The following ATG10 variants were observed in gnomAD, a reference collection of about 807,000 sequenced individuals.
ATG10 encodes the protein ubiquitin-like-conjugating enzyme ATG10.
Under a neutral mutation model 32.1 loss-of-function variants are expected in ATG10, and 30 were observed. That is an observed-to-expected ratio of 0.94 (90% CI 0.70 to 1.27). ATG10 has a LOEUF of 1.27. Ranked by LOEUF, ATG10 falls within the 50% of genes most tolerant of loss-of-function variation. The probability of loss-of-function intolerance (pLI) is 0.00; values close to 1 mark genes in which losing one functional copy is unlikely to be tolerated. For missense variants in ATG10, 233 were observed against 262.3 expected, an observed-to-expected ratio of 0.89 and a Z score of 0.77; for synonymous variants, 87 against 91.5, an observed-to-expected ratio of 0.95 and a Z score of 0.28.
chr5:82,011,075 A>C (rs1373744137), intron 2 of ATG10, among the ~76,000 whole-genome samples: 2 of 152,184 alleles, frequency 1.3e-5, no homozygotes, highest in Non-Finnish European at 2.9e-5. Flanking sequence ...CTAAGTAATA[A>C]ATTTTATACA....
intron 5 of ATG10, among the ~76,000 whole-genome samples, chr5:82,228,693 C>T (rs963083280): frequency 2.0e-5 from 3 of 152,088 alleles, no homozygotes; most frequent in African/African-American, 7.2e-5. Context: ...ATGTACCGTG[C>T]ATTGGAAATC....
intron 4 of ATG10, among the ~76,000 whole-genome samples, chr5:82,165,255 T>A (rs1429759171): frequency 6.6e-6 from 1 of 152,240 alleles, no homozygotes; most frequent in Non-Finnish European, 1.5e-5. Context: ...ATGAGCCTCC[T>A]GTTCAGCCAA....
chr5:82,022,405 T>G (rs1211866298), intron 2 of ATG10, among the ~76,000 whole-genome samples: 1 of 149,280 alleles, frequency 6.7e-6, no homozygotes, highest in Non-Finnish European at 1.5e-5. Flanking sequence ...TTCAGCTCAC[T>G]GCAGCCTCCA....
At chr5:82,001,212 G>A (rs913259120) in intron 2 of ATG10, among the ~76,000 whole-genome samples, 1 of 152,140 alleles carries the variant, frequency 6.6e-6, no homozygotes, top group African/African-American at 2.4e-5. Flanking sequence ...ACTGCCCAAA[G>A]CAATGTACAG....
rs909869624 is a variant in ATG10, at chr5:81,972,971, G to C, written c.-13+665G>C. On this transcript the variant is annotated intron_variant, in intron 1 of 7. Coordinates refer to ENST00000282185, the MANE Select transcript of ATG10 (RefSeq NM_031482.5). Reference sequence around the variant, plus strand: ...CTGAAGATGATTTAGATGTCTAGGGGACTATATTTTGTTTGGCATGATGAT... The same window carrying C: ...CTGAAGATGATTTAGATGTCTAGGGCACTATATTTTGTTTGGCATGATGAT... 2.6e-5 allele frequency among the ~76,000 whole-genome samples: 4 copies of C among 152,128 alleles called. No individual in the cohort carries two copies. In the South Asian group the frequency reaches 6.2e-4, roughly 24 times the overall value.
rs1012880223 is a variant in ATG10, at chr5:82,229,273, G to A, written c.454-23289G>A. Among the ~76,000 whole-genome samples the A allele has an allele frequency of 1.8e-4, 27 of 152,178 alleles. 1 individual carries two copies. Among genetic ancestry groups the A allele is most frequent in the Non-Finnish European group, 8.8e-5 (6 of 68,030 alleles). On this transcript the variant is annotated intron_variant, in intron 5 of 7. Coordinates refer to ENST00000282185, the MANE Select transcript of ATG10 (RefSeq NM_031482.5). ...GCTGTTACAGTACTGGAGGAGCACTGGCTAAGACAGGAAAGAATAAATGAG... is the reference window on the plus strand; with the variant it reads ...GCTGTTACAGTACTGGAGGAGCACTAGCTAAGACAGGAAAGAATAAATGAG...
At chr5:82,058,178 G>T (rs536967751) in intron 2 of ATG10, among the ~76,000 whole-genome samples, 2 of 152,262 alleles carry the variant, frequency 1.3e-5, no homozygotes, top group East Asian at 3.9e-4. Flanking sequence ...TATTAATTAT[G>T]TGACAAGCTA....
At chr5:82,205,939 C>T (rs114010660) in intron 5 of ATG10, among the ~76,000 whole-genome samples, 69 of 152,106 alleles carry the variant, frequency 4.5e-4, no homozygotes, top group African/African-American at 1.6e-3. Flanking sequence ...AGAATAGAAC[C>T]TAAGTTTAAT....
At chr5:82,001,056 C>T (rs1395601492) in intron 2 of ATG10, among the ~76,000 whole-genome samples, 1 of 152,114 alleles carries the variant, frequency 6.6e-6, no homozygotes, top group Non-Finnish European at 1.5e-5. Context: ...AGTAAAATAC[C>T]TAGGAATACA....
At chr5:82,043,012 ACT>A (rs1763131402) in intron 2 of ATG10, among the ~76,000 whole-genome samples, 2 of 150,626 alleles carry the variant, frequency 1.3e-5, no homozygotes, top group African/African-American at 4.9e-5. Flanking sequence ...TCCAGTGGGG[ACT>A]CTGTGTAGGG....
intron 3 of ATG10, among the ~76,000 whole-genome samples, chr5:82,160,915 G>A (rs1408674564): frequency 6.6e-6 from 1 of 152,148 alleles, no homozygotes; most frequent in Non-Finnish European, 1.5e-5. Flanking sequence ...TTACATAGGA[G>A]GAAACAGATC....
At chr5:81,997,799 G>A (rs151229659) in intron 2 of ATG10, among the ~76,000 whole-genome samples, 1 of 152,256 alleles carries the variant, frequency 6.6e-6, no homozygotes, top group East Asian at 1.9e-4. Flanking sequence ...AGAGCTTGAA[G>A]ACTGGTTCTT....
At chr5:82,159,500 T>C (rs1168717294) in intron 3 of ATG10, among the ~76,000 whole-genome samples, 1 of 152,172 alleles carries the variant, frequency 6.6e-6, no homozygotes, top group Non-Finnish European at 1.5e-5. Flanking sequence ...TCTTTCACTA[T>C]TAGAATTCTC....
chr5:82,093,621 T>C (rs1277871491), intron 3 of ATG10, among the ~76,000 whole-genome samples: 1 of 152,178 alleles, frequency 6.6e-6, no homozygotes. Flanking sequence ...AATTGATTAA[T>C]TTTTATCTTC....
chr5:82,155,299 A>T (rs1767759864), intron 3 of ATG10, among the ~76,000 whole-genome samples: 1 of 152,356 alleles, frequency 6.6e-6, no homozygotes. Flanking sequence ...ACAGGAAAAA[A>T]ATGGAAAGGG....
chr5:82,241,299 T>C (rs1422638498), intron 5 of ATG10, among the ~76,000 whole-genome samples: 1 of 152,228 alleles, frequency 6.6e-6, no homozygotes, highest in African/African-American at 2.4e-5. Context: ...ATATTTTGTC[T>C]GGGCTACTAC....
At chr5:82,240,883 A>G (rs1051280227) in intron 5 of ATG10, among the ~76,000 whole-genome samples, 3 of 152,200 alleles carry the variant, frequency 2.0e-5, no homozygotes, top group Admixed American at 2.0e-4. Flanking sequence ...CCAAGTCATC[A>G]TGAACAAAAT....
At chr5:82,066,377 G>A (rs1763942245) in intron 3 of ATG10, among the ~76,000 whole-genome samples, 1 of 152,086 alleles carries the variant, frequency 6.6e-6, no homozygotes, top group Non-Finnish European at 1.5e-5. Flanking sequence ...TGGGTACCAA[G>A]CATATTTTAT....
Position 82,255,568 on chromosome 5 carries a change from C to T in ATG10, c.*1505C>T, listed in dbSNP as rs1747432597. The T allele has an allele frequency of 6.6e-6, 1 of 152,280 alleles. No individual in the cohort carries two copies. Among genetic ancestry groups the T allele is most frequent in the Admixed American group, 6.5e-5 (1 of 15,290 alleles). The allele number at this position is 152,280 out of a possible 1,614,324, so 9.4% of individuals were successfully genotyped here. ...CTACAGATGCTGGGGCCACCTGACA[C>T]AGTCTCTCTGGGGGTGATTCTGCTC... is the stretch of plus-strand genomic sequence containing the variant. On this transcript the variant is annotated 3_prime_UTR_variant, in exon 8 of 8. Transcript: ENST00000282185.
Sources: gnomAD v4.1 joint callset for allele counts (sites outside exome capture counted in the v4.1 genomes callset) on GRCh38, gnomAD v4.1.1 for gene constraint, MANE v1.5 for transcripts, NCBI Gene and HGNC (gene_info 2026-07-23, HGNC 2026-07-21) for gene names.